The following CDK14 variants were observed in gnomAD, a reference collection of about 807,000 sequenced individuals.
CDK14 encodes the protein cyclin dependent kinase 14.
CDK14 carries 34 observed loss-of-function variants against 60.7 expected under a neutral mutation model. The ratio of observed to expected loss-of-function variants is 0.56; its 90% confidence interval spans 0.43 to 0.75. CDK14 has a LOEUF of 0.75. CDK14 is among the 30% of genes least tolerant of loss of function. The pLI is 0.00. For missense variants in CDK14, 482 were observed against 564.1 expected (o/e 0.85, Z 1.47); for synonymous variants, 197 against 203.7 (o/e 0.97, Z 0.28).
chr7:91,081,223 T>C lies in CDK14; in HGVS notation c.1154+1743T>C, dbSNP rs575058351. 2.0e-5 allele frequency among the ~76,000 whole-genome samples: 3 copies of C among 152,310 alleles called. 1 individual carries two copies. The highest frequency in any genetic ancestry group is 7.2e-5 in the African/African-American group (3 of 41,578). Reference sequence around the variant, plus strand: ...TAAGATGCAGAGACGTTAATTATATTATTGATTCTTCCTCCAAATGGTCCT... The same window carrying C: ...TAAGATGCAGAGACGTTAATTATATCATTGATTCTTCCTCCAAATGGTCCT... On this transcript the variant is annotated intron_variant, in intron 12 of 14. Coordinates refer to ENST00000380050, the MANE Select transcript of CDK14 (RefSeq NM_001287135.2).
At chr7:91,099,009 C>G (rs1182933665) in intron 12 of CDK14, among the ~76,000 whole-genome samples, 1 of 152,082 alleles carries the variant, frequency 6.6e-6, no homozygotes, top group Admixed American at 6.6e-5. Context: ...TATATTTTTT[C>G]TTCTCTTTTC....
At chr7:91,002,333 A>G (rs1424961746) in intron 10 of CDK14, among the ~76,000 whole-genome samples, 2 of 152,050 alleles carry the variant, frequency 1.3e-5, no homozygotes, top group Non-Finnish European at 2.9e-5. Context: ...TATTTGCTTT[A>G]TGTTATAATA....
chr7:91,198,153 T>C (rs1366070637), intron 14 of CDK14, among the ~76,000 whole-genome samples: 1 of 152,192 alleles, frequency 6.6e-6, no homozygotes, highest in Non-Finnish European at 1.5e-5. Context: ...CATGTCACTG[T>C]CAGGATGTGT....
chr7:91,042,706 A>G (rs1022696208), intron 10 of CDK14, among the ~76,000 whole-genome samples: 2 of 152,226 alleles, frequency 1.3e-5, no homozygotes, highest in Non-Finnish European at 2.9e-5. Flanking sequence ...TGGGGACCAC[A>G]TTTTAAGTGT....
chr7:90,788,288 T>C (rs3779558), intron 4 of CDK14, among the ~76,000 whole-genome samples: 31,205 of 152,058 alleles, frequency 0.21, 3,341 homozygotes, highest in South Asian at 0.24. Flanking sequence ...TTCATGCAGT[T>C]ATCAGCACTA....
chr7:91,045,933 G>C lies in CDK14; in HGVS notation c.1078G>C (p.Val360Leu). 1 of 1,611,538 alleles carries C rather than the reference G, an allele frequency of 6.2e-7. No individual in the cohort carries two copies. Among genetic ancestry groups the C allele is most frequent in the Non-Finnish European group, 8.5e-7 (1 of 1,177,778 alleles). ...ACCAAATGAGGACACATGGCCTGGA[G>C]TTCATTCTTTACCACATTTTAAGCC... ...GTPNEDTWPG[V>L]HSLPHFKPER... The change falls in exon 11 of 15, where the codon GTT (valine) becomes CTT (leucine). Residue 360 changes from valine (V) to leucine (L), a missense_variant. By Grantham distance (32) the Val-to-Leu change is conservative. Coordinates refer to ENST00000380050, the MANE Select transcript of CDK14 (RefSeq NM_001287135.2).
chr7:91,046,074 T>C, intron 11 of CDK14, 114 bp downstream of exon 11: 1 of 671,274 alleles, frequency 1.5e-6, no homozygotes, highest in South Asian at 1.8e-5. Context: ...ACTTTTGCCA[T>C]TGTGTACTTT....
chr7:91,121,981 G>T (rs971511244), intron 14 of CDK14, among the ~76,000 whole-genome samples: 11 of 152,190 alleles, frequency 7.2e-5, no homozygotes, highest in Non-Finnish European at 1.3e-4. Flanking sequence ...CATAGAAAGT[G>T]CATGGTCACT....
rs1365708827 is a variant in CDK14, at chr7:90,726,576, A to G, written c.133A>G (p.Thr45Ala). 2 of 1,613,302 alleles carry G rather than the reference A, an allele frequency of 1.2e-6. No homozygotes were observed. Among genetic ancestry groups the G allele is most frequent in the East Asian group, 2.2e-5 (1 of 44,866 alleles). ...TTTCTTCTTTTCTCAGATATGTGTCACAAAGATGTCTACACGGAACTGCCA... is the reference window on the plus strand; with the variant it reads ...TTTCTTCTTTTCTCAGATATGTGTCGCAAAGATGTCTACACGGAACTGCCA... ...DDTTFDEICV[T>A]KMSTRNCQGM... Residue 45 changes from threonine to alanine, a missense_variant, in exon 3 of 15, where the codon ACA (threonine) becomes GCA (alanine). Coordinates refer to ENST00000380050, the MANE Select transcript of CDK14 (RefSeq NM_001287135.2).
At chr7:91,177,523 C>T (rs967621951) in intron 14 of CDK14, among the ~76,000 whole-genome samples, 27 of 152,030 alleles carry the variant, frequency 1.8e-4, no homozygotes, top group Non-Finnish European at 4.4e-5. Context: ...TCAGATTGTC[C>T]CTGTTTGCAG....
intron 6 of CDK14, among the ~76,000 whole-genome samples, chr7:90,892,224 GTGT>G (rs1477388189): frequency 1.3e-5 from 2 of 151,686 alleles, no homozygotes; most frequent in African/African-American, 4.8e-5. Context: ...GCAAAGGTGA[GTGT>G]TGTTTTCTAG....
intron 2 of CDK14, among the ~76,000 whole-genome samples, chr7:90,649,669 T>A (rs961163814): frequency 6.6e-6 from 1 of 151,810 alleles, no homozygotes; most frequent in Non-Finnish European, 1.5e-5. Context: ...GTCCAAGTGT[T>A]CTCATTGTTC....
At chr7:90,677,028 G>A (rs1801215149) in intron 2 of CDK14, among the ~76,000 whole-genome samples, 1 of 151,884 alleles carries the variant, frequency 6.6e-6, no homozygotes, top group Non-Finnish European at 1.5e-5. Flanking sequence ...TACCATGTCT[G>A]TTATATTTAA....
chr7:91,143,840 T>C (rs2115634610), intron 14 of CDK14, among the ~76,000 whole-genome samples: 1 of 152,280 alleles, frequency 6.6e-6, no homozygotes, highest in African/African-American at 2.4e-5. Context: ...CTAAGGTAGG[T>C]GTTCTTATCC....
chr7:91,049,115 C>T (rs1437654374), intron 11 of CDK14, among the ~76,000 whole-genome samples: 1 of 151,988 alleles, frequency 6.6e-6, no homozygotes, highest in Non-Finnish European at 1.5e-5. Context: ...ACTCTGGGCT[C>T]AAGCAGTCCT....
At chr7:90,718,931 C>T (rs17623528) in intron 2 of CDK14, among the ~76,000 whole-genome samples, 15,107 of 152,152 alleles carry the variant, frequency 0.099, 824 homozygotes, top group Non-Finnish European at 0.12. Flanking sequence ...GCTGAAATTA[C>T]TTTTATAAGG....
intron 2 of CDK14, among the ~76,000 whole-genome samples, chr7:90,624,831 C>G (rs11974496): frequency 6.6e-6 from 1 of 152,154 alleles, no homozygotes; most frequent in South Asian, 2.1e-4. Context: ...TATTATAGGG[C>G]GATAAGTCAG....
chr7:90,752,446 A>G (rs1803883527), intron 4 of CDK14, among the ~76,000 whole-genome samples: 1 of 152,186 alleles, frequency 6.6e-6, no homozygotes, highest in African/African-American at 2.4e-5. Flanking sequence ...AGCAGAAGTC[A>G]AAAAATTCTT....
At chr7:90,598,480 G>A (rs1447004162) in intron 1 of CDK14, among the ~76,000 whole-genome samples, 1 of 152,122 alleles carries the variant, frequency 6.6e-6, no homozygotes, top group South Asian at 2.1e-4. Flanking sequence ...AGTGCAGTGA[G>A]CACAGCTGAT....
Sources: gnomAD v4.1 joint callset for allele counts (sites outside exome capture counted in the v4.1 genomes callset) on GRCh38, gnomAD v4.1.1 for gene constraint, MANE v1.5 for transcripts, NCBI Gene and HGNC (gene_info 2026-07-23, HGNC 2026-07-21) for gene names.